The following LYPLAL1 variants were observed in gnomAD, a reference collection of about 807,000 sequenced individuals.
LYPLAL1 encodes the protein lysophospholipase like 1.
LYPLAL1 carries 23 observed loss-of-function variants against 19.7 expected under a neutral mutation model. The ratio of observed to expected loss-of-function variants is 1.17; its 90% CI spans 0.84 to 1.65. The LOEUF (loss-of-function observed/expected upper bound fraction) is 1.65, where lower values mean the gene tolerates loss of function less well. Ranked by LOEUF, LYPLAL1 falls within the 40% of genes most tolerant of loss-of-function variation. The pLI, the probability that LYPLAL1 is intolerant of heterozygous loss-of-function variation, is 0.00. For missense variants in LYPLAL1, 355 were observed against 279.4 expected (o/e 1.27, Z -1.93); for synonymous variants, 119 against 96.3 (o/e 1.24, Z -1.38).
At chr1:219,347,476 C>G in the LYPLAL1 span, among the ~76,000 whole-genome samples, 2 of 152,184 alleles carry the variant, frequency 1.3e-5, no homozygotes, top group African/African-American at 4.8e-5. Flanking sequence ...GATGCCTCCA[C>G]AATCACCGGG....
In LYPLAL1 at chr1:219,210,621, C is replaced by A; in HGVS notation, c.451C>A (p.Leu151Met). 2 of 1,608,294 alleles carry A rather than the reference C, an allele frequency of 1.2e-6. No homozygotes were observed. ...AGGAGTATTTGCTCTTTCTAGTTTT[C>A]TGAATAAAGCATCTGCTGTTTACCA... ...VAGVFALSSF[L>M]NKASAVYQAL... The change falls in exon 4 of 5, where the codon CTG becomes ATG. Residue 151 changes from leucine to methionine, a missense_variant. Transcript: ENST00000366928.
At chr1:219,203,646 A>G (rs551389267) in intron 3 of LYPLAL1, among the ~76,000 whole-genome samples, 2 of 152,352 alleles carry the variant, frequency 1.3e-5, no homozygotes, top group East Asian at 3.9e-4. Context: ...AAACATGTTC[A>G]TGAAAGAAAG....
chr1:219,306,795 C>CAT, the LYPLAL1 span, among the ~76,000 whole-genome samples: 68 of 95,954 alleles, frequency 7.1e-4, 1 homozygote, highest in Non-Finnish European at 1.1e-3. Flanking sequence ...GATACATAGA[C>CAT]AGATGCATAG....
downstream of LYPLAL1, among the ~76,000 whole-genome samples, chr1:219,213,941 G>A (rs975206303): frequency 1.3e-5 from 2 of 152,078 alleles, no homozygotes; most frequent in African/African-American, 2.4e-5. Flanking sequence ...GAACAAGAGT[G>A]GTGAGAGCAG....
At chr1:219,381,915 T>C in the LYPLAL1 span, among the ~76,000 whole-genome samples, 1 of 152,202 alleles carries the variant, frequency 6.6e-6, no homozygotes, top group Non-Finnish European at 1.5e-5. Flanking sequence ...ATGGTCTGTA[T>C]GGATCTGTAT....
At chr1:219,369,971 C>CA in the LYPLAL1 span, among the ~76,000 whole-genome samples, 2 of 151,788 alleles carry the variant, frequency 1.3e-5, no homozygotes, top group Non-Finnish European at 1.5e-5. Context: ...TTGCCTAGGA[C>CA]AAAAAAAGAA....
chr1:219,314,792 A>G, the LYPLAL1 span, among the ~76,000 whole-genome samples: 17 of 152,204 alleles, frequency 1.1e-4, no homozygotes, highest in African/African-American at 3.9e-4. Flanking sequence ...TTGAGCTAGC[A>G]TGTCTTTATT....
chr1:219,326,574 C>G, the LYPLAL1 span, among the ~76,000 whole-genome samples: 4 of 152,042 alleles, frequency 2.6e-5, no homozygotes, highest in Non-Finnish European at 5.9e-5. Context: ...CCTAAGGCCC[C>G]GTATCAACAA....
the LYPLAL1 span, among the ~76,000 whole-genome samples, chr1:219,224,116 T>TG: frequency 4.7e-4 from 71 of 152,188 alleles, no homozygotes; most frequent in Admixed American, 1.6e-3. Flanking sequence ...AAATATTGAG[T>TG]GGGGGTGTCC....
chr1:219,204,039 G>T (rs1014959288), intron 3 of LYPLAL1, among the ~76,000 whole-genome samples: 8 of 152,232 alleles, frequency 5.3e-5, no homozygotes, highest in Admixed American at 3.3e-4. Context: ...TTAAGAGAGA[G>T]AGAACTCAGC....
chr1:219,261,811 A>G, the LYPLAL1 span, among the ~76,000 whole-genome samples: 3 of 152,110 alleles, frequency 2.0e-5, no homozygotes, highest in East Asian at 3.9e-4. Context: ...ATGTAACCTG[A>G]TGATTATGTG....
At chr1:219,318,359 A>T in the LYPLAL1 span, among the ~76,000 whole-genome samples, 1 of 151,968 alleles carries the variant, frequency 6.6e-6, no homozygotes, top group East Asian at 1.9e-4. Flanking sequence ...CCCTAAGCAA[A>T]CACCTGTGTT....
intron 1 of LYPLAL1, chr1:219,175,170 G>A: frequency 2.3e-6 from 2 of 859,012 alleles, no homozygotes; most frequent in Non-Finnish European, 2.8e-6. Flanking sequence ...AGCTGTTACT[G>A]TGAGTAGTGG....
chr1:219,239,519 A>T, the LYPLAL1 span, among the ~76,000 whole-genome samples: 1 of 152,242 alleles, frequency 6.6e-6, no homozygotes, highest in South Asian at 2.1e-4. Context: ...CGGGATATAG[A>T]GAAAAATTTT....
At chr1:219,434,911 C>T in the LYPLAL1 span, among the ~76,000 whole-genome samples, 111,214 of 151,978 alleles carry the variant, frequency 0.73, 41,286 homozygotes, top group African/African-American at 0.84. Context: ...TAAAGCAGAG[C>T]GCTGGGCCTG....
At chr1:219,332,723 ATTCT>A in the LYPLAL1 span, among the ~76,000 whole-genome samples, 4 of 117,464 alleles carry the variant, frequency 3.4e-5, no homozygotes, top group East Asian at 1.0e-3. Context: ...GAGTTAGTTT[ATTCT>A]TTTGCAACTA....
the LYPLAL1 span, among the ~76,000 whole-genome samples, chr1:219,262,543 T>C: frequency 7.2e-5 from 11 of 152,342 alleles, no homozygotes; most frequent in Non-Finnish European, 1.3e-4. Flanking sequence ...GATGTAGTGC[T>C]CTCCCACTTT....
the LYPLAL1 span, among the ~76,000 whole-genome samples, chr1:219,308,094 T>A: frequency 6.6e-6 from 1 of 152,282 alleles, no homozygotes; most frequent in Admixed American, 6.5e-5. Context: ...ATGAGGAACT[T>A]GTTGTGAACT....
At chr1:219,339,678 G>C in the LYPLAL1 span, among the ~76,000 whole-genome samples, 2 of 151,982 alleles carry the variant, frequency 1.3e-5, no homozygotes, top group African/African-American at 4.8e-5. Flanking sequence ...TTCTAGCTTA[G>C]AGGTCTTTGG....
Sources: gnomAD v4.1 joint callset for allele counts (sites outside exome capture counted in the v4.1 genomes callset) on GRCh38, gnomAD v4.1.1 for gene constraint, MANE v1.5 for transcripts, NCBI Gene and HGNC (gene_info 2026-07-23, HGNC 2026-07-21) for gene names.